GRIK3: variants seen among roughly 807,000 people sequenced by gnomAD.
The protein encoded by GRIK3 is glutamate ionotropic receptor kainate type subunit 3.
Under a neutral mutation model 102.5 loss-of-function variants are expected in GRIK3, and 29 were observed. That is an observed-to-expected ratio of 0.28 (90% CI 0.21 to 0.39). The LOEUF is 0.39. Ranked by LOEUF, GRIK3 falls within the 10% of genes least tolerant of loss-of-function variation. GRIK3 has a pLI of 1.00. For missense variants in GRIK3, 908 were observed against 1,252.4 expected (o/e 0.73, Z 4.15); for synonymous variants, 511 against 504.9 (o/e 1.01, Z -0.16).
intron 13 of GRIK3, among the ~76,000 whole-genome samples, chr1:36,812,482 T>C (rs1202285887): frequency 6.6e-6 from 1 of 152,322 alleles, no homozygotes; most frequent in East Asian, 1.9e-4. Context: ...CTCCTTTACA[T>C]TTTGCCTACA....
intron 1 of GRIK3, among the ~76,000 whole-genome samples, chr1:37,018,164 C>T (rs1317156601): frequency 2.0e-5 from 3 of 152,294 alleles, no homozygotes; most frequent in South Asian, 4.2e-4. Context: ...CGCTTGGCTG[C>T]CACATGAATA....
chr1:36,815,660 C>T lies in GRIK3; in HGVS notation c.2091+1400G>A, dbSNP rs916102657. Among the ~76,000 whole-genome samples, 8 of 152,296 alleles carry T rather than the reference C, an allele frequency of 5.3e-5. No homozygotes were observed. The East Asian group carries it at 5.8e-4, about 11-fold the overall frequency. On this transcript the variant is annotated intron_variant, in intron 13 of 15. Transcript: ENST00000373091. ...ACAGAACCTGGACCAGCAGCTGCAG[C>T]GTCACTTTGGAACTTTTTAGAAATG...
chr1:36,804,958 C>A (rs1642481994), intron 15 of GRIK3, 29 bp downstream of exon 15: 2 of 1,611,548 alleles, frequency 1.2e-6, no homozygotes, highest in African/African-American at 1.3e-5. Context: ...ATTTCCCATC[C>A]TGTGCAGGCT....
At chr1:36,837,416 C>T (rs1640392295) in intron 10 of GRIK3, among the ~76,000 whole-genome samples, 1 of 152,140 alleles carries the variant, frequency 6.6e-6, no homozygotes, top group Non-Finnish European at 1.5e-5. Flanking sequence ...CTCGCTTTCC[C>T]CTACCTCCTC....
Position 36,806,396 on chromosome 1 carries a change from C to CACGTTGTGCAGGGTA in GRIK3, c.2092-71_2092-70insTACCCTGCACAACGT. Reference sequence around the variant, plus strand: ...CACCAGGGACCAAGCACCGCATACCCTGCACAACGTGGGTTGGGGCCTTGA... The same window carrying CACGTTGTGCAGGGTA: ...CACCAGGGACCAAGCACCGCATACCCACGTTGTGCAGGGTATGCACAACGTGGGTTGGGGCCTTGA... On this transcript the variant is annotated intron_variant, in intron 13 of 15. Transcript: ENST00000373091. This position sits in a 1 kb window ranked among gnomAD's most constrained non-coding sequence, Gnocchi z 4.0. 1 of 922,504 alleles carries CACGTTGTGCAGGGTA rather than the reference C, an allele frequency of 1.1e-6. No homozygotes were observed. Among genetic ancestry groups the CACGTTGTGCAGGGTA allele is most frequent in the Non-Finnish European group, 1.7e-6 (1 of 589,808 alleles). 57.1% of individuals were successfully genotyped at this position (922,504 alleles called of 1,614,324 possible).
chr1:36,972,713 T>C (rs572484984), intron 1 of GRIK3, among the ~76,000 whole-genome samples: 18 of 152,262 alleles, frequency 1.2e-4, no homozygotes, highest in African/African-American at 4.1e-4. Flanking sequence ...CCAACAACCA[T>C]GCAAGACAGG....
rs370820571 is a variant in GRIK3 at position 36,936,275 on chromosome 1, G to A, written c.116-45179C>T. ...GAATCCCAACCCAGGGCAAATCAGG[G>A]GATGGCAAGGGGGCTCACTAATGGG... On this transcript the variant is annotated intron_variant, in intron 1 of 15. Coordinates refer to ENST00000373091, the MANE Select transcript of GRIK3 (RefSeq NM_000831.4). 1.2e-4 allele frequency among the ~76,000 whole-genome samples: 19 copies of A among 152,298 alleles called. No individual in the cohort carries two copies. In the East Asian group the frequency reaches 2.1e-3, roughly 17 times the overall value.
chr1:37,020,496 C>T (rs532728398), intron 1 of GRIK3, among the ~76,000 whole-genome samples: 3 of 152,196 alleles, frequency 2.0e-5, no homozygotes, highest in Admixed American at 6.5e-5. Flanking sequence ...AAAGATGAGG[C>T]TGACAAGCCG....
chr1:37,014,841 C>CTTTTG (rs1384323069), intron 1 of GRIK3, among the ~76,000 whole-genome samples: 1 of 116,478 alleles, frequency 8.6e-6, no homozygotes, highest in Non-Finnish European at 1.8e-5. Context: ...AGCCTCTTTT[C>CTTTTG]TTATCTTTTC....
At position 36,870,077 on chromosome 1, in the gene GRIK3, G is replaced by A. The variant is rs180746924; in HGVS notation, c.733-276C>T. Among the ~76,000 whole-genome samples, 460 of 152,350 alleles carry A rather than the reference G, an allele frequency of 3.0e-3. 3 individuals carry two copies. The highest frequency in any genetic ancestry group is 5.6e-3 in the Non-Finnish European group (380 of 68,028). On this transcript the variant is annotated intron_variant, in intron 4 of 15. Transcript: ENST00000373091. ...AAAGATTCCAAATTCTGCAGGGCCC[G>A]TGGGGTCTAGCTGCCTCTTTTGAGT...
intron 1 of GRIK3, among the ~76,000 whole-genome samples, chr1:37,001,879 A>G (rs1309281237): frequency 7.0e-6 from 1 of 143,074 alleles, no homozygotes; most frequent in East Asian, 1.9e-4. Context: ...GCTCAGTCTT[A>G]CCACTGGGGA....
At chr1:37,017,369 T>TAAAAAAAAAAAAAAAAAAAA (rs774819790) in intron 1 of GRIK3, among the ~76,000 whole-genome samples, 1 of 48,534 alleles carries the variant, frequency 2.1e-5, no homozygotes, top group African/African-American at 1.0e-4. Flanking sequence ...CCCTGTCTCT[T>TAAAAAAAAAAAAAAAAAAAA]AAAAAAAAAA....
chr1:36,954,713 ACGC>A, intron 1 of GRIK3, among the ~76,000 whole-genome samples: 1 of 151,992 alleles, frequency 6.6e-6, no homozygotes, highest in East Asian at 1.9e-4. Flanking sequence ...GTCCACACAC[ACGC>A]AGAGAAGCAC....
At position 36,975,288 on chromosome 1, in the gene GRIK3, G is replaced by GTTTTTTT. The variant is rs61125066; in HGVS notation, c.115+58699_115+58705dup. On this transcript the variant is annotated intron_variant, in intron 1 of 15. Coordinates refer to ENST00000373091, the MANE Select transcript of GRIK3 (RefSeq NM_000831.4). ...AAATCAATGAGCTTATCTAAAGTTG[G>GTTTTTTT]TTTTTTTTTTTTTTTTTTTTGAGAG... is the stretch of plus-strand genomic sequence containing the variant. Among the ~76,000 whole-genome samples, 195 of 113,326 alleles carry GTTTTTTT rather than the reference G, an allele frequency of 1.7e-3. 15 individuals carry two copies. The highest frequency in any genetic ancestry group is 6.6e-3 in the African/African-American group (173 of 26,256). 74.3% of individuals were successfully genotyped at this position (113,326 alleles called of 152,430 possible). A position where few individuals can be genotyped will look rare whatever the true frequency, so the allele number is the denominator to read the frequency against.
At chr1:36,828,097 G>A (rs1642775015) in intron 10 of GRIK3, among the ~76,000 whole-genome samples, 1 of 151,858 alleles carries the variant, frequency 6.6e-6, no homozygotes. Flanking sequence ...AACTCTCAGG[G>A]AGGGTGTAGA....
At chr1:36,887,767 AAAAAAT>A (rs1202752701) in intron 2 of GRIK3, among the ~76,000 whole-genome samples, 1 of 106,428 alleles carries the variant, frequency 9.4e-6, no homozygotes, top group Non-Finnish European at 1.8e-5. Flanking sequence ...AAAAAAAAAA[AAAAAAT>A]ATATATATAT....
chr1:37,017,393 A>AAAG (rs1553128525), intron 1 of GRIK3, among the ~76,000 whole-genome samples: 7 of 150,882 alleles, frequency 4.6e-5, no homozygotes, highest in East Asian at 1.9e-4. Context: ...AAAAAAAAAA[A>AAAG]AAGAAGAAGA....
intron 10 of GRIK3, among the ~76,000 whole-genome samples, chr1:36,828,084 A>AC (rs112231605): frequency 0.015 from 2,231 of 151,810 alleles, 59 homozygotes; most frequent in African/African-American, 0.052. Context: ...AAAAAAAAAA[A>AC]AAAACTCTCA....
intron 1 of GRIK3, among the ~76,000 whole-genome samples, chr1:36,936,453 G>A (rs1641658223): frequency 6.6e-6 from 1 of 152,198 alleles, no homozygotes. Flanking sequence ...AAGATCTTAG[G>A]AAAGCAGGGA....
Sources: allele counts gnomAD v4.1 joint callset (sites outside exome capture counted in the v4.1 genomes callset), GRCh38; gene constraint gnomAD v4.1.1; non-coding constraint Gnocchi (gnomAD v3.1); transcripts MANE v1.5; gene names NCBI Gene and HGNC (gene_info 2026-07-23, HGNC 2026-07-21).